The following SGCD variants were observed in gnomAD, a reference collection of about 807,000 sequenced individuals.
SGCD encodes the protein sarcoglycan delta.
SGCD carries 18 observed loss-of-function variants against 36.6 expected under a neutral mutation model. The observed-to-expected ratio is 0.49, with a 90% confidence interval of 0.34 to 0.73. The LOEUF (loss-of-function observed/expected upper bound fraction) is 0.73, where lower values mean the gene tolerates loss of function less well. Among genes scored for constraint, SGCD ranks in the 30% least tolerant of loss-of-function variants. The pLI, the probability that SGCD is intolerant of heterozygous loss-of-function variation, is 0.01. For missense variants in SGCD, 387 were observed against 346.7 expected (o/e 1.12, Z -0.92); for synonymous variants, 133 against 130.6 (o/e 1.02, Z -0.12).
Position 156,759,349 on chromosome 5 carries a change from G to A in SGCD, c.832G>A (p.Ala278Thr), listed in dbSNP as rs753240054. 4.0e-5 allele frequency: 64 copies of A among 1,612,198 alleles called. No individual in the cohort carries two copies. The East Asian group carries it at 1.3e-3, about 34-fold the overall frequency. ...NGRLFLSQAGAGSTCQINTSV... is the reference protein window; with the variant it reads ...NGRLFLSQAGTGSTCQINTSV... ...GAGATTATTCCTGTCTCAGGCAGGA[G>A]CTGGGTCCACTTGTCAGATAAACAC... Residue 278 changes from alanine to threonine, a missense_variant, in exon 9 of 9, where the codon GCT becomes ACT. Transcript: ENST00000337851.
At chr5:156,606,763 A>G (rs1276919865) in intron 6 of SGCD, among the ~76,000 whole-genome samples, 1 of 152,136 alleles carries the variant, frequency 6.6e-6, no homozygotes, top group Non-Finnish European at 1.5e-5. Context: ...GGTCCTTCAC[A>G]TCCCTTGTAA....
intron 7 of SGCD, among the ~76,000 whole-genome samples, chr5:156,701,933 AAC>A (rs960223617): frequency 3.3e-5 from 5 of 152,224 alleles, no homozygotes; most frequent in African/African-American, 1.2e-4. Flanking sequence ...GAGAAGATAT[AAC>A]ACACAAAAAA....
chr5:156,095,086 TC>T (rs1488485321), intron 1 of SGCD, among the ~76,000 whole-genome samples: 1 of 152,194 alleles, frequency 6.6e-6, no homozygotes, highest in African/African-American at 2.4e-5. Context: ...ATGATTACTG[TC>T]CTTATTGCTT....
chr5:156,306,197 G>A (rs1025152493), intron 3 of SGCD, among the ~76,000 whole-genome samples: 10 of 152,124 alleles, frequency 6.6e-5, no homozygotes, highest in East Asian at 3.9e-4. Flanking sequence ...GTCACCACCC[G>A]TATCTCATCT....
the SGCD span, among the ~76,000 whole-genome samples, chr5:155,859,103 C>T: frequency 6.6e-6 from 1 of 151,482 alleles, no homozygotes; most frequent in Non-Finnish European, 1.5e-5. Context: ...GTTTTGCTGC[C>T]CAGGCTGGAG....
chr5:156,674,524 T>C (rs1241634352), intron 7 of SGCD, among the ~76,000 whole-genome samples: 1 of 152,162 alleles, frequency 6.6e-6, no homozygotes, highest in Non-Finnish European at 1.5e-5. Flanking sequence ...CGATCTCCCA[T>C]AGTCACGGAC....
intron 3 of SGCD, among the ~76,000 whole-genome samples, chr5:156,130,398 C>A (rs183087687): frequency 7.2e-4 from 109 of 152,274 alleles, no homozygotes; most frequent in Non-Finnish European, 1.3e-3. Flanking sequence ...TTGTCATATG[C>A]ATAGTTTGCA....
intron 3 of SGCD, among the ~76,000 whole-genome samples, chr5:156,435,469 C>A (rs765427670): frequency 2.6e-5 from 4 of 151,520 alleles, no homozygotes; most frequent in Non-Finnish European, 4.4e-5. Flanking sequence ...AATGAAAAAT[C>A]TGTATGATGG....
At chr5:156,070,944 G>C (rs1760534694) in intron 1 of SGCD, among the ~76,000 whole-genome samples, 3 of 152,102 alleles carry the variant, frequency 2.0e-5, no homozygotes. Flanking sequence ...ATTCTCTGAT[G>C]GTAATTTGTA....
intron 1 of SGCD, among the ~76,000 whole-genome samples, chr5:156,048,393 G>T (rs1164233055): frequency 2.6e-5 from 4 of 152,120 alleles, no homozygotes; most frequent in East Asian, 3.9e-4. Context: ...CTGAGGAATC[G>T]CCACACTGAC....
the SGCD span, among the ~76,000 whole-genome samples, chr5:155,792,321 T>A: frequency 6.6e-6 from 1 of 151,812 alleles, no homozygotes; most frequent in Non-Finnish European, 1.5e-5. Context: ...AGGAAATACC[T>A]TTCTCAACAT....
chr5:156,472,847 A>T (rs1374608414), intron 3 of SGCD, among the ~76,000 whole-genome samples: 1 of 152,234 alleles, frequency 6.6e-6, no homozygotes, highest in African/African-American at 2.4e-5. Flanking sequence ...ATGTGATAAA[A>T]GAGAAATGTT....
chr5:156,470,132 G>A (rs1232531054), intron 3 of SGCD, among the ~76,000 whole-genome samples: 1 of 152,102 alleles, frequency 6.6e-6, no homozygotes, highest in Admixed American at 6.6e-5. Flanking sequence ...CCTTTTTCTG[G>A]ATGTAAACAA....
chr5:155,999,260 C>G (rs1352634682), intron 1 of SGCD, among the ~76,000 whole-genome samples: 1 of 152,196 alleles, frequency 6.6e-6, no homozygotes, highest in East Asian at 1.9e-4. Context: ...AGATAAAAAG[C>G]TGTGCCTTTG....
intron 1 of SGCD, among the ~76,000 whole-genome samples, chr5:155,879,845 C>G (rs1242962183): frequency 1.3e-5 from 2 of 152,132 alleles, no homozygotes; most frequent in Admixed American, 6.5e-5. Context: ...GAAAATGGAA[C>G]TTGGCTTGCC....
chr5:156,596,397 A>G (rs1179187598), intron 6 of SGCD, among the ~76,000 whole-genome samples: 2 of 152,162 alleles, frequency 1.3e-5, no homozygotes, highest in Non-Finnish European at 2.9e-5. Flanking sequence ...AAATTGGTAT[A>G]ATAGAAGTAT....
intron 1 of SGCD, among the ~76,000 whole-genome samples, chr5:155,871,660 A>G (rs1184435737): frequency 6.6e-6 from 1 of 152,122 alleles, no homozygotes; most frequent in Non-Finnish European, 1.5e-5. Flanking sequence ...GCACTGTGTT[A>G]TGGAGGGGAG....
chr5:156,569,636 A>T (rs375077549), intron 4 of SGCD, among the ~76,000 whole-genome samples: 4 of 151,900 alleles, frequency 2.6e-5, no homozygotes, highest in East Asian at 3.9e-4. Flanking sequence ...AATCAGACTT[A>T]TAATAAAATT....
intron 3 of SGCD, among the ~76,000 whole-genome samples, chr5:156,253,168 C>T (rs550327020): frequency 6.6e-6 from 1 of 152,242 alleles, no homozygotes; most frequent in Admixed American, 6.5e-5. Flanking sequence ...CATGAAGAAC[C>T]ACAGTTGGGA....
Sources: allele counts gnomAD v4.1 joint callset (sites outside exome capture counted in the v4.1 genomes callset), GRCh38; gene constraint gnomAD v4.1.1; transcripts MANE v1.5; gene names NCBI Gene and HGNC (gene_info 2026-07-23, HGNC 2026-07-21).